The following ATP2A2 variants were observed in gnomAD, a reference collection of about 807,000 sequenced individuals.
The protein encoded by ATP2A2 is sarcoplasmic/endoplasmic reticulum calcium ATPase 2.
Under a neutral mutation model 109.3 loss-of-function variants are expected in ATP2A2, and 14 were observed. The ratio of observed to expected loss-of-function variants is 0.13; its 90% CI spans 0.08 to 0.20. The LOEUF is 0.20. Ranked by LOEUF, ATP2A2 falls within the 10% of genes least tolerant of loss-of-function variation. The pLI, the probability that ATP2A2 is intolerant of heterozygous loss-of-function variation, is 1.00. For synonymous variants in ATP2A2, 506 were observed against 490.9 expected (o/e 1.03, Z -0.41); for missense variants, 657 against 1,321.6 (o/e 0.50, Z 7.80).
At chr12:110,284,586 T>G (rs1448149818) in intron 3 of ATP2A2, among the ~76,000 whole-genome samples, 1 of 152,188 alleles carries the variant, frequency 6.6e-6, no homozygotes, top group Non-Finnish European at 1.5e-5. Context: ...ATTTTTTACT[T>G]TGAAGTAATT....
In ATP2A2 at chr12:110,349,153, G is replaced by T. The variant is rs1428708345; in HGVS notation, c.*2683G>T. 6.1e-6 allele frequency: 6 copies of T among 985,376 alleles called. No individual in the cohort carries two copies. Among genetic ancestry groups the T allele is most frequent in the Non-Finnish European group, 7.2e-6 (6 of 830,016 alleles). The allele number at this position is 985,376 out of a possible 1,614,324, so 61.0% of individuals were successfully genotyped here. On this transcript the variant is annotated 3_prime_UTR_variant, in exon 20 of 20. Coordinates refer to ENST00000539276, the MANE Select transcript of ATP2A2 (RefSeq NM_170665.4). ...ACTGCTGTTTTGAGCAGGGCCACTT[G>T]CTCCATTTCACTGAAGGCTTTGCTG...
intron 11 of ATP2A2, among the ~76,000 whole-genome samples, chr12:110,336,380 T>A (rs566111264): frequency 6.6e-6 from 1 of 152,320 alleles, no homozygotes; most frequent in Admixed American, 6.5e-5. Context: ...TGTCACCACG[T>A]TTAATGCTTT....
In ATP2A2 at chr12:110,342,299, T is replaced by C. The variant is rs936259686; in HGVS notation, c.2169T>C (p.Thr723=). ...AEIGIAMGSG[T]AVAKTASEMV... is the part of the protein sequence containing the mutation. ...TTGGCATTGCTATGGGCTCTGGCACTGCGGTGGCTAAAACCGCCTCTGAGA... is the reference window on the plus strand; with the variant it reads ...TTGGCATTGCTATGGGCTCTGGCACCGCGGTGGCTAAAACCGCCTCTGAGA... The change falls in exon 15 of 20, where the codon ACT becomes ACC. Residue 723 remains threonine, a synonymous_variant. Coordinates refer to ENST00000539276, the MANE Select transcript of ATP2A2 (RefSeq NM_170665.4). The surrounding 1 kb of genome is among the most constrained non-coding windows in gnomAD (Gnocchi z 4.6). 1 of 1,614,238 alleles carries C rather than the reference T, an allele frequency of 6.2e-7. No individual in the cohort carries two copies. The highest frequency in any genetic ancestry group is 8.5e-7 in the Non-Finnish European group (1 of 1,180,042).
Position 110,346,609 on chromosome 12 carries a change from G to T in ATP2A2, c.*139G>T, listed in dbSNP as rs2137876650. 2 of 1,504,280 alleles carry T rather than the reference G, an allele frequency of 1.3e-6. No homozygotes were observed. Among genetic ancestry groups the T allele is most frequent in the Middle Eastern group, 1.7e-4 (1 of 5,754 alleles). 93.2% of individuals were successfully genotyped at this position (1,504,280 alleles called of 1,614,324 possible). A position where few individuals can be genotyped will look rare whatever the true frequency, so the allele number is the denominator to read the frequency against. ...GGTTTCATACTCTAGATTTTGTTTT[G>T]CTTTTTCTGACTCCAGTGGGGCAAG... On this transcript the variant is annotated 3_prime_UTR_variant, in exon 20 of 20. Transcript: ENST00000539276.
chr12:110,343,539 T>C, intron 16 of ATP2A2, 105 bp downstream of exon 16: 1 of 1,313,906 alleles, frequency 7.6e-7, no homozygotes, highest in Non-Finnish European at 1.1e-6. Flanking sequence ...TATCCCCGTA[T>C]AGGGTAGCAA....
rs1879825074 is a variant in ATP2A2 at position 110,346,058 on chromosome 12, G to A, written c.2799G>A (p.Val933=). The A allele has an allele frequency of 1.2e-6, 2 of 1,614,140 alleles. No individual in the cohort carries two copies. Among genetic ancestry groups the A allele is most frequent in the Admixed American group, 1.7e-5 (1 of 60,016 alleles). The part of the protein sequence containing the change: ...RMPPWENIWL[V]GSICLSMSLH... ...CCCCCTGGGAGAACATCTGGCTCGT[G>A]GGCTCCATCTGCCTGTCCATGTCAC... The change falls in exon 19 of 20, where the codon GTG becomes GTA. Residue 933 remains valine (V), a synonymous_variant. Coordinates refer to ENST00000539276, the MANE Select transcript of ATP2A2 (RefSeq NM_170665.4).
intron 10 of ATP2A2, among the ~76,000 whole-genome samples, chr12:110,333,594 A>C (rs1333660651): frequency 6.6e-6 from 1 of 152,202 alleles, no homozygotes; most frequent in African/African-American, 2.4e-5. Context: ...GCTTTCCTGA[A>C]AGCAAAGGAT....
rs893449778 is a variant in ATP2A2 at position 110,345,893 on chromosome 12, C to T, written c.2742-108C>T. The T allele has an allele frequency of 1.4e-4, 153 of 1,107,742 alleles. No individual in the cohort carries two copies. The South Asian group carries it at 1.9e-3, about 14-fold the overall frequency. 68.6% of individuals were successfully genotyped at this position (1,107,742 alleles called of 1,614,324 possible). A position where few individuals can be genotyped will look rare whatever the true frequency, so the allele number is the denominator to read the frequency against. On this transcript the variant is annotated intron_variant, in intron 18 of 19. Coordinates refer to ENST00000539276, the MANE Select transcript of ATP2A2 (RefSeq NM_170665.4). ...AGTGGAGGTAGGTCAGCGGATGGTG[C>T]CACATTAACAGCCGCCTTACTGAAG...
At chr12:110,298,039 C>T (rs1413715935) in intron 5 of ATP2A2, among the ~76,000 whole-genome samples, 1 of 152,156 alleles carries the variant, frequency 6.6e-6, no homozygotes, top group Non-Finnish European at 1.5e-5. Context: ...TTTTCATACC[C>T]TTCTGAGTTA....
chr12:110,299,570 C>A (rs77822113), intron 5 of ATP2A2, among the ~76,000 whole-genome samples: 2 of 152,266 alleles, frequency 1.3e-5, no homozygotes, highest in East Asian at 1.9e-4. Context: ...GAGTTCTGAT[C>A]GTGAGTAGTT....
At chr12:110,323,727 G>T (rs1161293930) in intron 6 of ATP2A2, among the ~76,000 whole-genome samples, 2 of 152,182 alleles carry the variant, frequency 1.3e-5, no homozygotes, top group African/African-American at 2.4e-5. Context: ...CCTAGGTCAA[G>T]GCTACAGTGA....
Position 110,342,192 on chromosome 12 carries a change from C to T in ATP2A2, c.2098-36C>T, listed in dbSNP as rs1879421866. 6.2e-7 allele frequency: 1 copy of T among 1,610,778 alleles called. No individual in the cohort carries two copies. Among genetic ancestry groups the T allele is most frequent in the Non-Finnish European group, 8.5e-7 (1 of 1,177,060 alleles). ...TGCCTAGGGGTATGAATGTGGCATGCCAGTTGGCTGACCCAACCATTGCTT... is the reference window on the plus strand; with the variant it reads ...TGCCTAGGGGTATGAATGTGGCATGTCAGTTGGCTGACCCAACCATTGCTT... On this transcript the variant is annotated intron_variant, in intron 14 of 19. Coordinates refer to ENST00000539276, the MANE Select transcript of ATP2A2 (RefSeq NM_170665.4). The surrounding 1 kb of genome is among the most constrained non-coding windows in gnomAD (Gnocchi z 4.6).
intron 5 of ATP2A2, among the ~76,000 whole-genome samples, chr12:110,303,704 G>A (rs975165267): frequency 6.6e-6 from 1 of 151,936 alleles, no homozygotes; most frequent in Non-Finnish European, 1.5e-5. Context: ...ATGAGCCACC[G>A]CGCCCAGCCA....
chr12:110,328,922 C>A (rs1394228230), intron 8 of ATP2A2, among the ~76,000 whole-genome samples: 1 of 152,130 alleles, frequency 6.6e-6, no homozygotes, highest in Non-Finnish European at 1.5e-5. Flanking sequence ...TAGACAAGTT[C>A]TAGAGAAAGC....
chr12:110,308,957 G>A (rs1875679948), intron 5 of ATP2A2, among the ~76,000 whole-genome samples: 1 of 152,028 alleles, frequency 6.6e-6, no homozygotes, highest in African/African-American at 2.4e-5. Context: ...TTTGATATTT[G>A]CAGAAAGGAA....
chr12:110,305,882 GTT>G (rs71083114), intron 5 of ATP2A2, among the ~76,000 whole-genome samples: 2 of 137,986 alleles, frequency 1.4e-5, no homozygotes, highest in South Asian at 2.3e-4. Flanking sequence ...TTTTTTTTTT[GTT>G]TTTTTTTTTT....
chr12:110,331,539 C>T (rs1352681168), intron 8 of ATP2A2: 1 of 152,184 alleles, frequency 6.6e-6, no homozygotes, highest in African/African-American at 2.4e-5. Context: ...CGGGTTTCAC[C>T]ATCTTTGCCA....
rs34738611 is a variant in ATP2A2, at chr12:110,291,640, C to CTT, written c.220-361_220-360dup. 9.2e-3 allele frequency among the ~76,000 whole-genome samples: 1,064 copies of CTT among 116,142 alleles called. 21 individuals carry two copies. Among genetic ancestry groups the CTT allele is most frequent in the Middle Eastern group, 0.033 (6 of 182 alleles). 76.2% of individuals were successfully genotyped at this position (116,142 alleles called of 152,430 possible). A position where few individuals can be genotyped will look rare whatever the true frequency, so the allele number is the denominator to read the frequency against. ...ATCATAATCCCTTTAGTGCTAGCCA[C>CTT]TTTTTTTTTTTTTTTTTTTTGAGTT... On this transcript the variant is annotated intron_variant, in intron 3 of 19. Coordinates refer to ENST00000539276, the MANE Select transcript of ATP2A2 (RefSeq NM_170665.4).
At position 110,339,661 on chromosome 12, in the gene ATP2A2, C is replaced by A; in HGVS notation, c.1701C>A (p.Asp567Glu). The A allele has an allele frequency of 1.2e-6, 2 of 1,614,160 alleles. No individual in the cohort carries two copies. The highest frequency in any genetic ancestry group is 1.7e-6 in the Non-Finnish European group (2 of 1,180,024). The change falls in exon 13 of 20, where the codon GAC becomes GAA. Residue 567 changes from aspartate to glutamate, a missense_variant. Physicochemically the swap from Asp to Glu is conservative, Grantham distance 45. This residue lies in a region of ATP2A2 where 180 missense variants were observed against 329.1 expected (regional missense o/e 0.55). Transcript: ENST00000539276. This position sits in a 1 kb window ranked among gnomAD's most constrained non-coding sequence, Gnocchi z 4.4. ...GATGCCTGGCCCTGGCCACTCATGA[C>A]AACCCACTGAGAAGAGAAGAAATGC... ...TLRCLALATHDNPLRREEMHL... is the reference protein window; with the variant it reads ...TLRCLALATHENPLRREEMHL...
Sources: allele counts gnomAD v4.1 joint callset (sites outside exome capture counted in the v4.1 genomes callset), GRCh38; gene constraint gnomAD v4.1.1; regional missense constraint gnomAD v4.1.1; non-coding constraint Gnocchi (gnomAD v3.1); transcripts MANE v1.5; gene names NCBI Gene and HGNC (gene_info 2026-07-23, HGNC 2026-07-21).